Variants in LRP1B observed in about 807,000 individuals in gnomAD.
LRP1B encodes the protein low-density lipoprotein receptor-related protein 1B.
A neutral mutation model predicts 556.6 loss-of-function variants in LRP1B; 217 were observed. The observed-to-expected ratio is 0.39, with a 90% CI of 0.35 to 0.44. The LOEUF is 0.44. LRP1B is among the 20% of genes least tolerant of loss of function. The probability of loss-of-function intolerance (pLI) is 1.00; values close to 1 mark genes in which losing one functional copy is unlikely to be tolerated. For synonymous variants in LRP1B, 2,047 were observed against 1,865.8 expected (o/e 1.10, Z -2.50); for missense variants, 5,053 against 5,620.8 (o/e 0.90, Z 3.23).
At chr2:141,761,702 C>T (rs1694554380) in intron 2 of LRP1B, among the ~76,000 whole-genome samples, 1 of 152,090 alleles carries the variant, frequency 6.6e-6, no homozygotes, top group African/African-American at 2.4e-5. Flanking sequence ...ATTCCTAAGC[C>T]ACATTTTCAG....
At chr2:142,029,933 A>G (rs1703628384) in intron 1 of LRP1B, among the ~76,000 whole-genome samples, 1 of 151,678 alleles carries the variant, frequency 6.6e-6, no homozygotes, top group East Asian at 1.9e-4. Context: ...TAAATATCTC[A>G]TCATTACTCA....
intron 43 of LRP1B, among the ~76,000 whole-genome samples, chr2:140,573,589 C>A (rs1056157806): frequency 1.3e-5 from 2 of 151,910 alleles, no homozygotes; most frequent in African/African-American, 4.8e-5. Flanking sequence ...TCCAACTTGA[C>A]CATTTGGGAT....
intron 1 of LRP1B, among the ~76,000 whole-genome samples, chr2:141,855,238 G>A (rs997721594): frequency 1.3e-5 from 2 of 152,020 alleles, no homozygotes; most frequent in African/African-American, 4.8e-5. Flanking sequence ...AGAAGCAGAT[G>A]TAACAGGTTT....
chr2:142,018,992 C>A (rs1703244962), intron 1 of LRP1B, among the ~76,000 whole-genome samples: 1 of 152,136 alleles, frequency 6.6e-6, no homozygotes, highest in African/African-American at 2.4e-5. Context: ...AATGTTATAG[C>A]TCTCATATCA....
At chr2:140,640,162 C>T (rs1684228477) in intron 41 of LRP1B, among the ~76,000 whole-genome samples, 1 of 151,296 alleles carries the variant, frequency 6.6e-6, no homozygotes, top group East Asian at 2.0e-4. Context: ...GCCACCTCGC[C>T]TGGCTAATTT....
In LRP1B at chr2:140,776,188, T is replaced by C; in HGVS notation, c.5410A>G (p.Ser1804Gly). ...GTGGGGTTTCTTCCGTCTCTTTTGC[T>C]GCAGGTTCCTAGCTGGGCTAAGTTT... ...DQNLAQLGTCSKRDGRNPTIL... is the reference protein window; with the variant it reads ...DQNLAQLGTCGKRDGRNPTIL... Residue 1804 changes from serine to glycine, a missense_variant, in exon 33 of 91, where the codon AGC becomes GGC. Physicochemically the swap from Ser to Gly is moderately conservative, Grantham distance 56. Coordinates refer to ENST00000389484, the MANE Select transcript of LRP1B (RefSeq NM_018557.3). The C allele has an allele frequency of 6.2e-7, 1 of 1,603,000 alleles. No homozygotes were observed. Among genetic ancestry groups the C allele is most frequent in the East Asian group, 2.3e-5 (1 of 43,792 alleles).
chr2:140,912,395 G>T (rs950640766), intron 21 of LRP1B, among the ~76,000 whole-genome samples: 7 of 151,260 alleles, frequency 4.6e-5, no homozygotes, highest in Non-Finnish European at 1.0e-4. Flanking sequence ...TTATATATAA[G>T]AAATAAGTAG....
intron 2 of LRP1B, among the ~76,000 whole-genome samples, chr2:141,642,534 G>A (rs932118620): frequency 5.3e-5 from 8 of 152,108 alleles, no homozygotes; most frequent in African/African-American, 1.9e-4. Flanking sequence ...TAATAGAAAT[G>A]TTACAGAAAG....
intron 2 of LRP1B, among the ~76,000 whole-genome samples, chr2:141,498,756 T>C (rs945684610): frequency 2.0e-5 from 3 of 152,080 alleles, no homozygotes; most frequent in Non-Finnish European, 4.4e-5. Flanking sequence ...AGAAACTACC[T>C]CTGCACACTT....
intron 2 of LRP1B, among the ~76,000 whole-genome samples, chr2:141,592,951 G>A (rs1275155827): frequency 6.6e-6 from 1 of 152,118 alleles, no homozygotes; most frequent in Non-Finnish European, 1.5e-5. Flanking sequence ...TAGTAATAGA[G>A]TCTCCCTTAT....
intron 1 of LRP1B, among the ~76,000 whole-genome samples, chr2:141,875,505 A>C (rs890561982): frequency 6.6e-6 from 1 of 151,992 alleles, no homozygotes; most frequent in African/African-American, 2.4e-5. Flanking sequence ...TATAATATAC[A>C]TCTTACAGTA....
chr2:141,381,574 A>G (rs1350274433), intron 3 of LRP1B, among the ~76,000 whole-genome samples: 1 of 152,080 alleles, frequency 6.6e-6, no homozygotes, highest in Non-Finnish European at 1.5e-5. Context: ...TACAAATACA[A>G]AAGAACCCAT....
At chr2:141,770,775 T>C (rs965331216) in intron 2 of LRP1B, among the ~76,000 whole-genome samples, 18 of 152,174 alleles carry the variant, frequency 1.2e-4, no homozygotes, top group African/African-American at 3.9e-4. Flanking sequence ...GTGAGGGAGA[T>C]TGAACTTGGA....
Position 141,015,823 on chromosome 2 carries a change from A to T in LRP1B, c.2063T>A (p.Ile688Asn), listed in dbSNP as rs2105389377. 1 of 1,613,590 alleles carries T rather than the reference A, an allele frequency of 6.2e-7. No homozygotes were observed. The highest frequency in any genetic ancestry group is 8.5e-7 in the Non-Finnish European group (1 of 1,179,752). Residue 688 changes from isoleucine to asparagine, a missense_variant, in exon 13 of 91, where the codon ATT (isoleucine) becomes AAT (asparagine). Coordinates refer to ENST00000389484, the MANE Select transcript of LRP1B (RefSeq NM_018557.3). ...KAWMDGFNRQIFVTSKMLWPN... is the reference protein window; with the variant it reads ...KAWMDGFNRQNFVTSKMLWPN... ...CCACAGCATCTTTGAAGTCACAAAA[A>T]TCTGCCGATTGAATCCATCCATCCA...
At chr2:141,045,209 G>A (rs1287427421) in intron 11 of LRP1B, among the ~76,000 whole-genome samples, 9 of 97,366 alleles carry the variant, frequency 9.2e-5, no homozygotes, top group African/African-American at 3.2e-4. Flanking sequence ...TCATAGGTGG[G>A]AATTAAACAA....
chr2:140,822,499 A>AC (rs1216963956), intron 31 of LRP1B, among the ~76,000 whole-genome samples: 1 of 152,224 alleles, frequency 6.6e-6, no homozygotes, highest in Non-Finnish European at 1.5e-5. Flanking sequence ...CAACATAAAA[A>AC]CAATTCCTCA....
chr2:141,770,017 A>T (rs10185048), intron 2 of LRP1B, among the ~76,000 whole-genome samples: 34,652 of 152,026 alleles, frequency 0.23, 4,108 homozygotes, highest in African/African-American at 0.29. Context: ...AGTTAGTATG[A>T]CCTATTAAAG....
At chr2:141,871,911 A>C (rs1237404051) in intron 1 of LRP1B, among the ~76,000 whole-genome samples, 9 of 151,962 alleles carry the variant, frequency 5.9e-5, no homozygotes, top group Admixed American at 3.3e-4. Flanking sequence ...GATGTGTAAC[A>C]AGGAGGAAAT....
intron 1 of LRP1B, among the ~76,000 whole-genome samples, chr2:142,085,325 C>A (rs1482311535): frequency 6.6e-6 from 1 of 152,180 alleles, no homozygotes; most frequent in African/African-American, 2.4e-5. Flanking sequence ...AGATAACAAT[C>A]TCTGTCATGG....
Sources: gnomAD v4.1 joint callset for allele counts (sites outside exome capture counted in the v4.1 genomes callset) on GRCh38, gnomAD v4.1.1 for gene constraint, MANE v1.5 for transcripts, NCBI Gene and HGNC (gene_info 2026-07-23, HGNC 2026-07-21) for gene names.